The following THADA variants were observed in gnomAD, a reference collection of about 807,000 sequenced individuals.
THADA encodes the protein tRNA (32-2'-O)-methyltransferase regulator THADA.
In THADA, 213 loss-of-function variants were observed where a neutral mutation model predicts 219.8. The observed-to-expected ratio is 0.97, with a 90% CI of 0.87 to 1.09. The LOEUF (loss-of-function observed/expected upper bound fraction) is 1.09. Among genes scored for constraint, THADA ranks in the 50% least tolerant of loss-of-function variants. The probability of loss-of-function intolerance (pLI) is 0.00; values close to 1 mark genes in which losing one functional copy is unlikely to be tolerated. For synonymous variants in THADA, 1,018 were observed against 828.9 expected, an observed-to-expected ratio of 1.23 and a Z score of -3.92; for missense variants, 2,956 against 2,311.3, an observed-to-expected ratio of 1.28 and a Z score of -5.72.
At chr2:43,480,831 A>C (rs944121557) in intron 26 of THADA, among the ~76,000 whole-genome samples, 27 of 151,948 alleles carry the variant, frequency 1.8e-4, no homozygotes, top group Non-Finnish European at 2.9e-4. Flanking sequence ...GGGGAAAAAA[A>C]AAAAAAAGAA....
intron 25 of THADA, among the ~76,000 whole-genome samples, chr2:43,496,387 G>A (rs1301905801): frequency 6.6e-6 from 1 of 152,110 alleles, no homozygotes; most frequent in African/African-American, 2.4e-5. Context: ...AAATGCTTCT[G>A]GACAGTGAAC....
Position 43,570,491 on chromosome 2 carries a change from TC to T in THADA, c.2083del (p.Glu695LysfsTer22). 1 of 1,609,518 alleles carries T rather than the reference TC, an allele frequency of 6.2e-7. No homozygotes were observed. Among genetic ancestry groups the T allele is most frequent in the Non-Finnish European group, 8.5e-7 (1 of 1,178,682 alleles). Reference sequence around the variant, plus strand: ...CAATTTATAAAGTACCTGAGAACTTTCCTGTATCCTACAAAACAACTTTTGA... The same window carrying T: ...CAATTTATAAAGTACCTGAGAACTTTCTGTATCCTACAAAACAACTTTTGA... ...LLKKLFCRIQESSQVLYKLEQ... is the reference protein window; with the variant it reads ...LLKKLFCRIQXSSQVLYKLEQ... On this transcript the variant is annotated frameshift_variant, in exon 14 of 38. Transcript: ENST00000405975. LOFTEE classifies it high-confidence loss of function.
At chr2:43,402,282 C>T (rs1674950455) in intron 28 of THADA, among the ~76,000 whole-genome samples, 1 of 152,142 alleles carries the variant, frequency 6.6e-6, no homozygotes. Flanking sequence ...GGTACCCATG[C>T]AGACATTCAC....
chr2:43,231,226 G>T lies in THADA; in HGVS notation c.5584C>A (p.Pro1862Thr). 1 of 1,613,792 alleles carries T rather than the reference G, an allele frequency of 6.2e-7. No homozygotes were observed. The highest frequency in any genetic ancestry group is 8.5e-7 in the Non-Finnish European group (1 of 1,179,798). The change falls in exon 38 of 38, where the codon CCC (proline) becomes ACC (threonine). Residue 1862 changes from proline (P) to threonine (T), a missense_variant. Physicochemically the swap from Pro to Thr is conservative, Grantham distance 38. Coordinates refer to ENST00000405975, the MANE Select transcript of THADA (RefSeq NM_022065.5). The part of the protein sequence containing the change: ...FCLLSKSGWR[P>T]PSPEMLCHLQ... ...TGACAGAGCATCTCAGGGCTTGGGGGACGCCAGCCGGACTTTGAGAGGAGA... is the reference window on the plus strand; with the variant it reads ...TGACAGAGCATCTCAGGGCTTGGGGTACGCCAGCCGGACTTTGAGAGGAGA...
At chr2:43,440,321 T>C (rs1680692150) in intron 26 of THADA, among the ~76,000 whole-genome samples, 2 of 152,232 alleles carry the variant, frequency 1.3e-5, no homozygotes, top group African/African-American at 4.8e-5. Flanking sequence ...CATGATTGAC[T>C]GTAATTTACT....
chr2:43,257,120 A>G (rs138160485), intron 36 of THADA, among the ~76,000 whole-genome samples: 268 of 152,302 alleles, frequency 1.8e-3, no homozygotes, highest in African/African-American at 6.3e-3. Context: ...GGGGATGGAA[A>G]AACAAAGGCA....
chr2:43,379,515 T>C (rs1422763555), intron 29 of THADA, among the ~76,000 whole-genome samples: 5 of 152,194 alleles, frequency 3.3e-5, no homozygotes, highest in Non-Finnish European at 7.3e-5. Context: ...ACACACTTAC[T>C]AGAACAGCTA....
chr2:43,352,083 T>C (rs1319524957), intron 29 of THADA, among the ~76,000 whole-genome samples: 2 of 152,238 alleles, frequency 1.3e-5, no homozygotes, highest in Non-Finnish European at 2.9e-5. Context: ...AGAACACAGA[T>C]ACATTTCTGA....
intron 8 of THADA, among the ~76,000 whole-genome samples, chr2:43,581,511 T>C (rs1700442487): frequency 7.7e-6 from 1 of 129,320 alleles, no homozygotes; most frequent in Admixed American, 9.5e-5. Context: ...GCCACTACAC[T>C]CCAGCCTGGG....
chr2:43,354,406 T>C (rs993643913), intron 29 of THADA, among the ~76,000 whole-genome samples: 3 of 151,988 alleles, frequency 2.0e-5, no homozygotes, highest in African/African-American at 7.3e-5. Context: ...AAATGTACAA[T>C]AAATTATTGT....
intron 30 of THADA, among the ~76,000 whole-genome samples, chr2:43,328,304 C>A (rs1001871015): frequency 3.3e-5 from 5 of 152,220 alleles, no homozygotes; most frequent in Non-Finnish European, 5.9e-5. Context: ...GCTTGTAGGG[C>A]CTGGCTGGCT....
chr2:43,556,233 T>C (rs1697325776), intron 17 of THADA, 112 bp downstream of exon 17: 9 of 1,513,568 alleles, frequency 5.9e-6, no homozygotes, highest in Non-Finnish European at 7.9e-6. Context: ...TATATGCTGA[T>C]AAACTTTTAA....
rs116243179 is a variant in THADA, at chr2:43,557,001, C to G, written c.2464-446G>C. 8.1e-3 allele frequency among the ~76,000 whole-genome samples: 1,239 copies of G among 152,226 alleles called. 2 individuals are homozygous for G. The highest frequency in any genetic ancestry group is 0.013 in the Non-Finnish European group (894 of 68,006). On this transcript the variant is annotated intron_variant, in intron 16 of 37. Transcript: ENST00000405975. ...AAGAGGCTGAGAGGTGAGGATCACT[C>G]GAGCTCAGGAGTTCATGGCTGCAGT...
intron 23 of THADA, among the ~76,000 whole-genome samples, chr2:43,506,041 T>C: frequency 6.6e-6 from 1 of 152,238 alleles, no homozygotes; most frequent in East Asian, 1.9e-4. Flanking sequence ...TCCTTAAGAA[T>C]CCTAAGTAGG....
Position 43,578,620 on chromosome 2 carries a change from A to C in THADA, c.722-13T>G. The C allele has an allele frequency of 6.4e-7, 1 of 1,557,332 alleles. No homozygotes were observed. Among genetic ancestry groups the C allele is most frequent in the Non-Finnish European group, 8.8e-7 (1 of 1,141,158 alleles). On this transcript the variant is annotated splice_polypyrimidine_tract_variant and intron_variant, in intron 8 of 37. Transcript: ENST00000405975. The stretch of plus-strand genomic sequence containing the variant: ...TGTAACAGATCATCTATTTGGCAAA[A>C]AAGGAGAGAAGCTTGTGTTAAATAA...
chr2:43,411,650 C>G (rs1046626154), intron 28 of THADA, among the ~76,000 whole-genome samples: 20 of 152,170 alleles, frequency 1.3e-4, no homozygotes, highest in Admixed American at 9.2e-4. Context: ...TCAATATATT[C>G]CAAATGAATG....
At chr2:43,232,935 C>A in intron 36 of THADA, 53 bp from the exon 37 acceptor site, 1 of 1,538,352 alleles carries the variant, frequency 6.5e-7, no homozygotes, top group South Asian at 1.2e-5. Context: ...GGGCCGACCC[C>A]AGGGCAGCCT....
intron 26 of THADA, among the ~76,000 whole-genome samples, chr2:43,482,372 G>C (rs72865230): frequency 0.039 from 6,002 of 152,120 alleles, 240 homozygotes; most frequent in African/African-American, 0.11. Context: ...CTTCTTGTCT[G>C]TACTATGCGA....
chr2:43,568,853 G>A (rs561512205), intron 14 of THADA, among the ~76,000 whole-genome samples: 16 of 151,802 alleles, frequency 1.1e-4, no homozygotes, highest in African/African-American at 3.9e-4. Context: ...AACCAGCCTG[G>A]GTAACACAGC....
Sources: gnomAD v4.1 joint callset for allele counts (sites outside exome capture counted in the v4.1 genomes callset) on GRCh38, gnomAD v4.1.1 for gene constraint, MANE v1.5 for transcripts, NCBI Gene and HGNC (gene_info 2026-07-23, HGNC 2026-07-21) for gene names.